UGT1A9: variants seen among roughly 807,000 people sequenced by gnomAD.
UGT1A9 encodes the protein UDP-glucuronosyltransferase 1A9.
In UGT1A9, 35 loss-of-function variants were observed where a neutral mutation model predicts 45.0. The observed-to-expected ratio is 0.78, with a 90% CI of 0.59 to 1.03. The LOEUF (loss-of-function observed/expected upper bound fraction) is 1.03, where lower values mean the gene tolerates loss of function less well. Among genes scored for constraint, UGT1A9 ranks in the 50% least tolerant of loss-of-function variants. UGT1A9 has a pLI of 0.00. For missense variants in UGT1A9, 687 were observed against 666.6 expected (o/e 1.03, Z -0.34); for synonymous variants, 278 against 250.6 (o/e 1.11, Z -1.03).
chr2:233,755,378 C>T (rs2125935029), intron 1 of UGT1A9: 1 of 351,540 alleles, frequency 2.8e-6, no homozygotes, highest in South Asian at 2.3e-5. Context: ...GAGGGCCGCC[C>T]CTTATGACGC....
intron 1 of UGT1A9, chr2:233,729,374 C>T (rs143192251): frequency 1.1e-5 from 17 of 1,613,890 alleles, no homozygotes; most frequent in Non-Finnish European, 5.1e-6. Context: ...TATGCCATTT[C>T]GTGGACCCAG....
In UGT1A9 at chr2:233,769,481, G is replaced by A. The variant is rs35791110; in HGVS notation, c.1295+1042G>A. ...TTCATATGCGTGTGTGTGTGTGTGC[G>A]TGTGTTTATGAGAGTGTCCATTGCT... On this transcript the variant is annotated intron_variant, in intron 4 of 4. Coordinates refer to ENST00000354728, the MANE Select transcript of UGT1A9 (RefSeq NM_021027.3). This position sits in a 1 kb window ranked among gnomAD's most constrained non-coding sequence, Gnocchi z 4.4. 5.5e-4 allele frequency: 893 copies of A among 1,612,192 alleles called. 4 individuals are homozygous for A. The African/African-American group carries it at 9.9e-3, about 18-fold the overall frequency.
intron 1 of UGT1A9, chr2:233,693,397 G>A (rs2075151019): frequency 6.2e-7 from 1 of 1,614,030 alleles, no homozygotes; most frequent in African/African-American, 1.3e-5. Context: ...GCCTCCTGCA[G>A]GACAGGGACA....
Position 233,672,659 on chromosome 2 carries a change from A to G in UGT1A9, c.725A>G (p.Tyr242Cys). The change falls in exon 1 of 5, where the codon TAT becomes TGT. Residue 242 changes from tyrosine (Y) to cysteine (C), a missense_variant. Physicochemically the swap from Tyr to Cys is radical, Grantham distance 194. Transcript: ENST00000354728. ...ATTCTCCAAACACCTGTTACGGAGT[A>G]TGATCTCTACAGCCACACATCAATT... ...SEILQTPVTEYDLYSHTSIWL... is the reference protein window; with the variant it reads ...SEILQTPVTECDLYSHTSIWL... 1 of 1,613,930 alleles carries G rather than the reference A, an allele frequency of 6.2e-7. No individual in the cohort carries two copies. The highest frequency in any genetic ancestry group is 8.5e-7 in the Non-Finnish European group (1 of 1,179,832).
chr2:233,691,520 C>G, intron 1 of UGT1A9: 4 of 985,704 alleles, frequency 4.1e-6, no homozygotes, highest in Non-Finnish European at 4.8e-6. Flanking sequence ...GCCAGGTGTG[C>G]ATGACTAGCT....
Position 233,769,836 on chromosome 2 carries a change from C to T in UGT1A9, c.1295+1397C>T. ...TGCCACTGCACTCCAGCAACCTGGGCAACAGAGTGAGACCCTGTCTCAAAA... is the reference window on the plus strand; with the variant it reads ...TGCCACTGCACTCCAGCAACCTGGGTAACAGAGTGAGACCCTGTCTCAAAA... On this transcript the variant is annotated intron_variant, in intron 4 of 4. Coordinates refer to ENST00000354728, the MANE Select transcript of UGT1A9 (RefSeq NM_021027.3). This position sits in a 1 kb window ranked among gnomAD's most constrained non-coding sequence, Gnocchi z 4.4. 7.4e-6 allele frequency: 4 copies of T among 538,192 alleles called. No individual in the cohort carries two copies. The highest frequency in any genetic ancestry group is 1.1e-5 in the Non-Finnish European group (4 of 353,822). 33.3% of individuals were successfully genotyped at this position (538,192 alleles called of 1,614,324 possible).
At position 233,744,394 on chromosome 2, in the gene UGT1A9, G is replaced by A. The variant is rs528448877; in HGVS notation, c.856-22640G>A. On this transcript the variant is annotated intron_variant, in intron 1 of 4. Coordinates refer to ENST00000354728, the MANE Select transcript of UGT1A9 (RefSeq NM_021027.3). ...TGCAGTTCTCCAACGTTCCAGCCCC[G>A]GTGCCCATTTGCTTTTGTTCATGTG... is the stretch of plus-strand genomic sequence containing the variant. 5.9e-5 allele frequency among the ~76,000 whole-genome samples: 9 copies of A among 151,928 alleles called. No homozygotes were observed. The South Asian group carries it at 6.2e-4, about 11-fold the overall frequency.
chr2:233,718,782 C>T lies in UGT1A9; in HGVS notation c.855+45993C>T, dbSNP rs199517966. On this transcript the variant is annotated intron_variant, in intron 1 of 4. Coordinates refer to ENST00000354728, the MANE Select transcript of UGT1A9 (RefSeq NM_021027.3). ...AAGGAAACAAATGTAGCAGGCACAGCGTGGGGTGGACAGTCAGCTGTCGGT... is the reference window on the plus strand; with the variant it reads ...AAGGAAACAAATGTAGCAGGCACAGTGTGGGGTGGACAGTCAGCTGTCGGT... 246 of 1,612,936 alleles carry T rather than the reference C, an allele frequency of 1.5e-4. No individual in the cohort carries two copies. The East Asian group carries it at 2.9e-3, about 19-fold the overall frequency.
intron 1 of UGT1A9, among the ~76,000 whole-genome samples, chr2:233,720,810 A>T (rs920812777): frequency 6.6e-6 from 1 of 151,018 alleles, no homozygotes; most frequent in Non-Finnish European, 1.5e-5. Context: ...GGTTTAAGAA[A>T]TTCTCCCACC....
chr2:233,725,023 C>G lies in UGT1A9; in HGVS notation c.856-42011C>G, dbSNP rs559276677. Among the ~76,000 whole-genome samples the G allele has an allele frequency of 5.4e-5, 8 of 148,360 alleles. 2 individuals carry two copies. The highest frequency in any genetic ancestry group is 1.2e-4 in the Non-Finnish European group (8 of 67,378). Reference sequence around the variant, plus strand: ...ACCGGCCCGGCCAAACAGCAAAACCCGGTCTCCACCAAAACCAGTCAGGCG... The same window carrying G: ...ACCGGCCCGGCCAAACAGCAAAACCGGGTCTCCACCAAAACCAGTCAGGCG... On this transcript the variant is annotated intron_variant, in intron 1 of 4. Coordinates refer to ENST00000354728, the MANE Select transcript of UGT1A9 (RefSeq NM_021027.3).
At chr2:233,742,512 C>T (rs924249262) in intron 1 of UGT1A9, among the ~76,000 whole-genome samples, 15 of 151,990 alleles carry the variant, frequency 9.9e-5, no homozygotes, top group African/African-American at 3.6e-4. Context: ...ATCATGAACA[C>T]GTCACAGTGC....
intron 1 of UGT1A9, among the ~76,000 whole-genome samples, chr2:233,735,242 T>G (rs989843667): frequency 6.6e-6 from 1 of 152,236 alleles, no homozygotes; most frequent in African/African-American, 2.4e-5. Flanking sequence ...CTCTTGTTGT[T>G]GAATTGCTCC....
intron 1 of UGT1A9, among the ~76,000 whole-genome samples, chr2:233,716,102 AT>A (rs1251021600): frequency 6.6e-6 from 1 of 152,158 alleles, no homozygotes; most frequent in East Asian, 1.9e-4. Context: ...TTTAACAGAA[AT>A]TTAGTTTTTC....
Position 233,703,642 on chromosome 2 carries a change from A to G in UGT1A9, c.855+30853A>G, listed in dbSNP as rs548385935. 7.9e-5 allele frequency among the ~76,000 whole-genome samples: 12 copies of G among 152,246 alleles called. No individual in the cohort carries two copies. In the South Asian group the frequency reaches 2.5e-3, roughly 32 times the overall value. On this transcript the variant is annotated intron_variant, in intron 1 of 4. Transcript: ENST00000354728. ...TATTTTATCTGATATTAGTATAACCAATCTGCATTTCTTTTGGTTGCTGTT... is the reference window on the plus strand; with the variant it reads ...TATTTTATCTGATATTAGTATAACCGATCTGCATTTCTTTTGGTTGCTGTT...
intron 3 of UGT1A9, 57 bp downstream of exon 3, chr2:233,767,993 T>G (rs2126036231): frequency 1.2e-6 from 2 of 1,614,180 alleles, no homozygotes; most frequent in Admixed American, 3.3e-5. Flanking sequence ...AGAAAATGGC[T>G]TAAGCACAGC....
intron 1 of UGT1A9, chr2:233,744,022 A>C (rs773777598): frequency 3.4e-4 from 328 of 975,622 alleles, no homozygotes; most frequent in East Asian, 3.5e-4. Context: ...GCCTGGAGAG[A>C]CGCCCCTTAT....
At chr2:233,693,500 CCA>C in intron 1 of UGT1A9, 1 of 1,614,174 alleles carries the variant, frequency 6.2e-7, no homozygotes, top group Non-Finnish European at 8.5e-7. Flanking sequence ...TTTGGGCCTA[CCA>C]TCTGTGTACC....
rs765612353 is a variant in UGT1A9 at position 233,772,386 on chromosome 2, G to T, written c.1420G>T (p.Ala474Ser). The T allele has an allele frequency of 6.2e-7, 1 of 1,614,110 alleles. No homozygotes were observed. Among genetic ancestry groups the T allele is most frequent in the Non-Finnish European group, 8.5e-7 (1 of 1,180,046 alleles). The change falls in exon 5 of 5, where the codon GCA becomes TCA. Residue 474 changes from alanine (A) to serine (S), a missense_variant. Coordinates refer to ENST00000354728, the MANE Select transcript of UGT1A9 (RefSeq NM_021027.3). Reference sequence around the variant, plus strand: ...CAAGGGCGCGCCACACCTGCGCCCCGCAGCCCACGACCTCACCTGGTACCA... The same window carrying T: ...CAAGGGCGCGCCACACCTGCGCCCCTCAGCCCACGACCTCACCTGGTACCA... ...RHKGAPHLRP[A>S]AHDLTWYQYH...
chr2:233,672,752 G>T lies in UGT1A9; in HGVS notation c.818G>T (p.Gly273Val). Residue 273 changes from glycine (G) to valine (V), a missense_variant, in exon 1 of 5, where the codon GGT becomes GTT. By Grantham distance (109) the Gly-to-Val change is moderately radical. Transcript: ENST00000354728. ...GTGATGCCCAACATGATCTTCATTG[G>T]TGGTATCAACTGCCATCAGGGAAAG... ...KPVMPNMIFI[G>V]GINCHQGKPL... 1 of 1,613,866 alleles carries T rather than the reference G, an allele frequency of 6.2e-7. No individual in the cohort carries two copies. Among genetic ancestry groups the T allele is most frequent in the African/African-American group, 1.3e-5 (1 of 75,040 alleles).
Sources: gnomAD v4.1 joint callset for allele counts (sites outside exome capture counted in the v4.1 genomes callset) on GRCh38, gnomAD v4.1.1 for gene constraint, Gnocchi (gnomAD v3.1) non-coding constraint, MANE v1.5 for transcripts, NCBI Gene and HGNC (gene_info 2026-07-23, HGNC 2026-07-21) for gene names.